ZMIZ1: variants seen among roughly 807,000 people sequenced by gnomAD.
ZMIZ1 encodes zinc finger MIZ-type containing 1.
A neutral mutation model predicts 113.9 loss-of-function variants in ZMIZ1; 17 were observed. The observed-to-expected ratio is 0.15, with a 90% CI of 0.10 to 0.22. ZMIZ1 has a LOEUF of 0.22. Ranked by LOEUF, ZMIZ1 falls within the 10% of genes least tolerant of loss-of-function variation. The pLI is 1.00. For synonymous variants in ZMIZ1, 607 were observed against 603.1 expected, an observed-to-expected ratio of 1.01 and a Z score of -0.09; for missense variants, 1,059 against 1,477.8, an observed-to-expected ratio of 0.72 and a Z score of 4.65.
chr10:79,091,742 G>A (rs1363922590), intron 1 of ZMIZ1, among the ~76,000 whole-genome samples: 1 of 152,206 alleles, frequency 6.6e-6, no homozygotes, highest in Admixed American at 6.5e-5. Context: ...AGCTCAGCCA[G>A]CACCCATGGA....
At chr10:79,111,524 G>A (rs1843738124) in intron 1 of ZMIZ1, among the ~76,000 whole-genome samples, 1 of 152,226 alleles carries the variant, frequency 6.6e-6, no homozygotes, top group Non-Finnish European at 1.5e-5. Flanking sequence ...TGAAGCAGAT[G>A]GCCAGGGGGT....
At chr10:79,138,677 CTCT>C (rs1247409852) in intron 2 of ZMIZ1, among the ~76,000 whole-genome samples, 2 of 152,206 alleles carry the variant, frequency 1.3e-5, no homozygotes, top group African/African-American at 2.4e-5. Flanking sequence ...ATGCCTCTCC[CTCT>C]TCTTCTGCAC....
chr10:79,295,852 G>A (rs1853856445), intron 12 of ZMIZ1: 1 of 152,296 alleles, frequency 6.6e-6, no homozygotes. Context: ...AAGGTGGCTG[G>A]AGGGTGGTGC....
chr10:79,257,213 G>A (rs967683677), intron 7 of ZMIZ1, among the ~76,000 whole-genome samples: 4 of 152,230 alleles, frequency 2.6e-5, no homozygotes, highest in Non-Finnish European at 4.4e-5. Flanking sequence ...GGGGACTGAG[G>A]ACCACTGTGG....
intron 8 of ZMIZ1, among the ~76,000 whole-genome samples, chr10:79,287,961 GGCAGGCAGTGTCGGGTAGGA>G (rs1173802909): frequency 3.3e-5 from 5 of 152,238 alleles, no homozygotes; most frequent in Non-Finnish European, 7.3e-5. Context: ...AGGGTGAGGG[GGCAGGCAGTGTCGGGTAGGA>G]GCTGCTTTTT....
chr10:79,179,863 G>A (rs908271262), intron 4 of ZMIZ1, among the ~76,000 whole-genome samples: 3 of 152,182 alleles, frequency 2.0e-5, no homozygotes, highest in African/African-American at 4.8e-5. Flanking sequence ...CCAGGCAGTG[G>A]GTGAGCAGGC....
At chr10:79,301,984 C>T in intron 17 of ZMIZ1, 123 bp from the exon 18 acceptor site, 1 of 902,344 alleles carries the variant, frequency 1.1e-6, no homozygotes, top group Non-Finnish European at 1.8e-6. Flanking sequence ...CCAGGAGACA[C>T]CCTGGGGGAG....
At chr10:79,242,966 G>A (rs1385222206) in intron 7 of ZMIZ1, among the ~76,000 whole-genome samples, 1 of 151,146 alleles carries the variant, frequency 6.6e-6, no homozygotes, top group East Asian at 2.0e-4. Flanking sequence ...GTCTGCGCGC[G>A]CGAGTGAGTG....
intron 4 of ZMIZ1, among the ~76,000 whole-genome samples, chr10:79,188,624 A>ACCCCCCCACGATCCCCCC (rs1219709244): frequency 1.3e-5 from 1 of 77,848 alleles, no homozygotes; most frequent in African/African-American, 4.8e-5. Flanking sequence ...CCTGTCCCCC[A>ACCCCCCCACGATCCCCCC]CCCCCCTAGT....
At chr10:79,080,598 T>C (rs569467660) in intron 1 of ZMIZ1, among the ~76,000 whole-genome samples, 1 of 152,276 alleles carries the variant, frequency 6.6e-6, no homozygotes, top group Admixed American at 6.5e-5. Context: ...CGTGAGTCAC[T>C]GCGCCGGGCC....
Position 79,069,151 on chromosome 10 carries a change from A to AGGAGCC in ZMIZ1, c.-448_-443dup, listed in dbSNP as rs987172415. ...ACCCCAGCCCCAGCCGGCGCGGAGC[A>AGGAGCC]GGAGCCGGAGCCGAGCGGATCTCGG... On this transcript the variant is annotated 5_prime_UTR_variant, in exon 1 of 25. Transcript: ENST00000334512. This position sits in a 1 kb window ranked among gnomAD's most constrained non-coding sequence, Gnocchi z 4.6. 6.7e-6 allele frequency: 1 copy of AGGAGCC among 150,002 alleles called. No individual in the cohort carries two copies. The highest frequency in any genetic ancestry group is 2.4e-5 in the African/African-American group (1 of 41,004). The allele number at this position is 150,002 out of a possible 1,614,324, so 9.3% of individuals were successfully genotyped here. A position where few individuals can be genotyped will look rare whatever the true frequency, so the allele number is the denominator to read the frequency against.
intron 4 of ZMIZ1, among the ~76,000 whole-genome samples, chr10:79,198,549 G>C (rs1847937268): frequency 6.6e-6 from 1 of 152,182 alleles, no homozygotes; most frequent in Admixed American, 6.5e-5. Context: ...TTGGCAGGGT[G>C]AGGGTGGAAG....
intron 8 of ZMIZ1, among the ~76,000 whole-genome samples, chr10:79,287,435 G>A (rs143070707): frequency 1.1e-4 from 17 of 152,370 alleles, no homozygotes; most frequent in African/African-American, 3.8e-4. Context: ...CTCCAAATGC[G>A]AGTCCTGCAG....
intron 1 of ZMIZ1, among the ~76,000 whole-genome samples, chr10:79,099,393 C>T (rs1206375219): frequency 2.0e-5 from 3 of 152,188 alleles, no homozygotes; most frequent in Non-Finnish European, 4.4e-5. Flanking sequence ...CATGGCTCCA[C>T]ACAACACCAG....
intron 11 of ZMIZ1, chr10:79,292,787 G>A (rs1009114600): frequency 8.6e-6 from 4 of 464,990 alleles, no homozygotes; most frequent in East Asian, 1.4e-4. Flanking sequence ...GCAGGCCCCA[G>A]TGCTGCTCCC....
chr10:79,273,511 C>T (rs1475755931), intron 7 of ZMIZ1, among the ~76,000 whole-genome samples: 1 of 152,176 alleles, frequency 6.6e-6, no homozygotes, highest in Non-Finnish European at 1.5e-5. Flanking sequence ...GCGCTGGCTA[C>T]CACACCTGGC....
At chr10:79,170,699 A>G (rs182800733) in intron 4 of ZMIZ1, among the ~76,000 whole-genome samples, 1 of 152,208 alleles carries the variant, frequency 6.6e-6, no homozygotes, top group South Asian at 2.1e-4. Context: ...GAAAGCCTGC[A>G]GCATTGGAAC....
intron 12 of ZMIZ1, chr10:79,294,554 A>G (rs2132041288): frequency 6.6e-6 from 1 of 152,386 alleles, no homozygotes; most frequent in South Asian, 2.1e-4. Context: ...TGTCACAAGT[A>G]AATCCTCAGA....
intron 3 of ZMIZ1, among the ~76,000 whole-genome samples, chr10:79,141,192 G>A (rs558549009): frequency 3.9e-5 from 6 of 152,284 alleles, no homozygotes; most frequent in South Asian, 2.1e-4. Context: ...AGGAGGAGGC[G>A]GCATTGCTCA....
Sources: gnomAD v4.1 joint callset for allele counts (sites outside exome capture counted in the v4.1 genomes callset) on GRCh38, gnomAD v4.1.1 for gene constraint, Gnocchi (gnomAD v3.1) non-coding constraint, MANE v1.5 for transcripts, NCBI Gene and HGNC (gene_info 2026-07-23, HGNC 2026-07-21) for gene names.